MXRA5: variants seen among roughly 807,000 people sequenced by gnomAD.
The protein encoded by MXRA5 is matrix remodeling associated 5, also known as matrix-remodeling-associated protein 5.
In MXRA5, 41 loss-of-function variants were observed where a neutral mutation model predicts 112.5. That is an observed-to-expected ratio of 0.36 (90% CI 0.28 to 0.47). MXRA5 has a LOEUF of 0.47. MXRA5 is among the 20% of genes least tolerant of loss of function. MXRA5 has a pLI of 0.99. For synonymous variants in MXRA5, 862 were observed against 900.8 expected (o/e 0.96, Z 0.77); for missense variants, 2,150 against 2,251.0 (o/e 0.96, Z 0.91).
Position 3,320,895 on chromosome X carries a change from C to T in MXRA5, c.4790G>A (p.Gly1597Glu). 1 of 1,211,797 alleles carries T rather than the reference C, an allele frequency of 8.3e-7. No individual in the cohort carries two copies. Among genetic ancestry groups the T allele is most frequent in the Non-Finnish European group, 1.1e-6 (1 of 895,585 alleles). ...TAGTTGATGAGAAGCATGAACTCTTCCATCCTGGCGTTGGCTATCTGGGCC... is the reference window on the plus strand; with the variant it reads ...TAGTTGATGAGAAGCATGAACTCTTTCATCCTGGCGTTGGCTATCTGGGCC... ...PRGPDSQRQD[G>E]RVHASHQLTR... The change falls in exon 5 of 7, where the codon GGA becomes GAA. Residue 1597 changes from glycine (G) to glutamate (E), a missense_variant. By Grantham distance (98) the Gly-to-Glu change is moderately conservative (BLOSUM62 -2). Coordinates refer to ENST00000217939, the MANE Select transcript of MXRA5 (RefSeq NM_015419.4).
intron 2 of MXRA5, among the ~76,000 whole-genome samples, chrX:3,335,792 A>G (rs924913973): frequency 6.2e-5 from 7 of 112,722 alleles, no homozygotes; most frequent in Non-Finnish European, 1.1e-4. Context: ...CTGCAAAATC[A>G]CTATGCAGTG....
Position 3,343,708 on chromosome X carries a change from C to T in MXRA5, c.126G>A (p.Thr42=), listed in dbSNP as rs1276605250. The T allele has an allele frequency of 2.5e-6, 3 of 1,211,883 alleles. No individual in the cohort carries two copies. Among genetic ancestry groups the T allele is most frequent in the Admixed American group, 4.3e-5 (2 of 46,075 alleles). ...ACYVPSEVHC[T]FRSLASVPAG... is the part of the protein sequence containing the mutation. The stretch of plus-strand genomic sequence containing the variant: ...CGGGCACGGAAGCCAGGGATCGGAA[C>T]GTGCAGTGGACCTCGCTGGGGACGT... The change falls in exon 2 of 7, where the codon ACG becomes ACA. Residue 42 remains threonine, a synonymous_variant. Coordinates refer to ENST00000217939, the MANE Select transcript of MXRA5 (RefSeq NM_015419.4).
Position 3,309,676 on chromosome X carries a change from T to G in MXRA5, c.*40A>C, listed in dbSNP as rs1282070073. Reference sequence around the variant, plus strand: ...CCTGGCTTCCCTTACAAACCCCGCTTTGTTGTCAGTTCCTAAGCAATCATT... The same window carrying G: ...CCTGGCTTCCCTTACAAACCCCGCTGTGTTGTCAGTTCCTAAGCAATCATT... On this transcript the variant is annotated 3_prime_UTR_variant, in exon 7 of 7. Transcript: ENST00000217939. The G allele has an allele frequency of 8.7e-7, 1 of 1,144,639 alleles. No individual in the cohort carries two copies. Among genetic ancestry groups the G allele is most frequent in the Admixed American group, 2.3e-5 (1 of 42,803 alleles). The allele number at this position is 1,144,639 out of a possible 1,213,427, so 94.3% of individuals were successfully genotyped here.
At chrX:3,330,535 A>G (rs1316435080) in intron 3 of MXRA5, 109 bp downstream of exon 3, 2 of 1,126,440 alleles carry the variant, frequency 1.8e-6, no homozygotes, top group Non-Finnish European at 2.4e-6. Context: ...CTTTCATGTC[A>G]AACAATAGCC....
Position 3,317,844 on chromosome X carries a change from G to A in MXRA5, c.5837C>T (p.Thr1946Ile). Residue 1946 changes from threonine (T) to isoleucine (I), a missense_variant, in exon 6 of 7, where the codon ACC becomes ATC. By Grantham distance (89) the Thr-to-Ile change is moderately conservative. Around this residue, in one of 6 missense-constraint regions of MXRA5, gnomAD observed 1,485 missense variants for 1,471.6 expected, o/e 1.01. Coordinates refer to ENST00000217939, the MANE Select transcript of MXRA5 (RefSeq NM_015419.4). ...LDRMVVLLSVTVQQPQILASH... is the reference protein window; with the variant it reads ...LDRMVVLLSVIVQQPQILASH... ...GGCTAGGATTTGAGGTTGCTGCACG[G>A]TGACCGAAAGCAAGACCACCATCCT... is the stretch of plus-strand genomic sequence containing the variant. 8.3e-7 allele frequency: 1 copy of A among 1,211,372 alleles called. No individual in the cohort carries two copies. Among genetic ancestry groups the A allele is most frequent in the Non-Finnish European group, 1.1e-6 (1 of 895,454 alleles).
At chrX:3,330,825 T>C in intron 2 of MXRA5, 52 bp from the exon 3 acceptor site, 3 of 874,748 alleles carry the variant, frequency 3.4e-6, no homozygotes, top group East Asian at 3.7e-5. Context: ...AGAAAATAAA[T>C]AGCGAATACT....
chrX:3,343,333 C>A (rs1922031490), intron 2 of MXRA5, among the ~76,000 whole-genome samples: 1 of 112,021 alleles, frequency 8.9e-6, no homozygotes, highest in East Asian at 2.8e-4. Flanking sequence ...ATGCATTCAC[C>A]TCAACAATGT....
intron 4 of MXRA5, among the ~76,000 whole-genome samples, chrX:3,325,711 G>C (rs886910952): frequency 1.8e-5 from 1 of 56,442 alleles, no homozygotes; most frequent in African/African-American, 5.1e-5. Context: ...CCCCTTGAAA[G>C]TATTTTCAGG....
chrX:3,312,721 C>T (rs1921006221), intron 6 of MXRA5, among the ~76,000 whole-genome samples: 1 of 78,445 alleles, frequency 1.3e-5, no homozygotes, highest in East Asian at 4.8e-4. Context: ...ACCAATATGC[C>T]TGGATGGAGT....
rs1327226197 is a variant in MXRA5 at position 3,320,161 on chromosome X, G to A, written c.5524C>T (p.Pro1842Ser). The change falls in exon 5 of 7, where the codon CCT (proline) becomes TCT (serine). Residue 1842 changes from proline (P) to serine (S), a missense_variant. Pro to Ser is a moderately conservative substitution (Grantham distance 74, BLOSUM62 -1). Coordinates refer to ENST00000217939, the MANE Select transcript of MXRA5 (RefSeq NM_015419.4). The part of the protein sequence containing the change: ...SSSKFFAGGP[P>S]ASKFWSLGEK... ...CCAAGAGACCAGAATTTGGATGCAG[G>A]AGGTCCTCCTGCAAAGAACTTTGAG... 5 of 1,211,265 alleles carry A rather than the reference G, an allele frequency of 4.1e-6. No individual in the cohort carries two copies. The highest frequency in any genetic ancestry group is 2.2e-5 in the Admixed American group (1 of 46,014).
rs1339762550 is a variant in MXRA5 at position 3,341,456 on chromosome X, ATG to A, written c.188+2188_188+2189del. On this transcript the variant is annotated intron_variant, in intron 2 of 6. Transcript: ENST00000217939. ...TATATATTATTATTATATATAATAT[ATG>A]TAATATATATTATTATTATATATAA... Among the ~76,000 whole-genome samples the A allele has an allele frequency of 6.7e-4, 9 of 13,350 alleles. 3 individuals carry two copies. The highest frequency in any genetic ancestry group is 4.1e-3 in the African/African-American group (5 of 1,209). 11.6% of individuals were successfully genotyped at this position (13,350 alleles called of 115,157 possible).
intron 4 of MXRA5, among the ~76,000 whole-genome samples, chrX:3,329,319 A>AGAAGGAAGGAATGAAGGAAAGAAGAAG (rs879810163): frequency 1.1e-5 from 1 of 88,446 alleles, no homozygotes; most frequent in Non-Finnish European, 2.2e-5. Flanking sequence ...GAAGGAAAAA[A>AGAAGGAAGGAATGAAGGAAAGAAGAAG]GAAGGAAGGA....
intron 2 of MXRA5, among the ~76,000 whole-genome samples, chrX:3,334,067 T>C (rs1921731231): frequency 8.9e-6 from 1 of 111,734 alleles, no homozygotes; most frequent in African/African-American, 3.3e-5. Context: ...CTGCAACCTC[T>C]GTGTCCTGGG....
intron 6 of MXRA5, 67 bp from the exon 7 acceptor site, chrX:3,311,691 C>T (rs1920993060): frequency 1.1e-6 from 1 of 930,311 alleles, no homozygotes; most frequent in Non-Finnish European, 1.5e-6. Flanking sequence ...CATTAGGTCG[C>T]TGGAATAACA....
chrX:3,320,071 C>T lies in MXRA5; in HGVS notation c.5614G>A (p.Val1872Met), dbSNP rs1921254033. The change falls in exon 5 of 7, where the codon GTG becomes ATG. Residue 1872 changes from valine (V) to methionine (M), a missense_variant. Physicochemically the swap from Val to Met is conservative, Grantham distance 21. Coordinates refer to ENST00000217939, the MANE Select transcript of MXRA5 (RefSeq NM_015419.4). ...TVSVTAETDT[V>M]FPCEATGKPK... ...TTTCCTGTTGCCTCACAGGGGAACA[C>T]AGTGTCTGTCTCAGCGGTGACGGAC... 4.1e-6 allele frequency: 5 copies of T among 1,209,353 alleles called. No individual in the cohort carries two copies. The highest frequency in any genetic ancestry group is 3.0e-5 in the East Asian group (1 of 33,763).
At chrX:3,338,569 TG>T (rs1921835817) in intron 2 of MXRA5, among the ~76,000 whole-genome samples, 1 of 110,688 alleles carries the variant, frequency 9.0e-6, no homozygotes, top group Non-Finnish European at 1.9e-5. Context: ...TTGATAGAGA[TG>T]ATAGGTAGGT....
intron 1 of MXRA5, 118 bp downstream of exon 1, chrX:3,346,397 A>T: frequency 2.7e-6 from 1 of 370,260 alleles, no homozygotes; most frequent in Non-Finnish European, 3.5e-6. Flanking sequence ...GGAACGGTGC[A>T]ATCTGCCTGC....
At chrX:3,342,018 A>T (rs758719575) in intron 2 of MXRA5, among the ~76,000 whole-genome samples, 79 of 110,617 alleles carry the variant, frequency 7.1e-4, no homozygotes, top group African/African-American at 2.4e-3. Context: ...CATATGCCCA[A>T]GAAAATGTGG....
rs780811447 is a variant in MXRA5 at position 3,323,591 on chromosome X, A to T, written c.2094T>A (p.Asp698Glu). ...CATCTCCCATGCCCGAGCCCCCTTC[A>T]TCCTCCACGATGTCTTCTCTGACTC... The part of the protein sequence containing the change: ...LSRVREDIVE[D>E]EGGSGMGDEE... Residue 698 changes from aspartate to glutamate, a missense_variant, in exon 5 of 7, where the codon GAT becomes GAA. Around this residue, in one of 6 missense-constraint regions of MXRA5, gnomAD observed 1,485 missense variants for 1,471.6 expected, o/e 1.01. Transcript: ENST00000217939. The T allele has an allele frequency of 1.4e-5, 17 of 1,210,340 alleles. No individual in the cohort carries two copies. The Admixed American group carries it at 3.7e-4, about 26-fold the overall frequency.
Sources: gnomAD v4.1 joint callset for allele counts (sites outside exome capture counted in the v4.1 genomes callset) on GRCh38, gnomAD v4.1.1 for gene constraint, gnomAD v4.1.1 regional missense constraint, MANE v1.5 for transcripts, NCBI Gene and HGNC (gene_info 2026-07-23, HGNC 2026-07-21) for gene names.